PRRG1: variants seen among roughly 807,000 people sequenced by gnomAD.
PRRG1 encodes transmembrane gamma-carboxyglutamic acid protein 1.
Under a neutral mutation model 11.8 loss-of-function variants are expected in PRRG1, and 5 were observed. The observed-to-expected ratio is 0.42, with a 90% CI of 0.22 to 0.89. The LOEUF is 0.89. Ranked by LOEUF, PRRG1 falls within the 40% of genes least tolerant of loss-of-function variation. PRRG1 has a pLI of 0.28. For synonymous variants in PRRG1, 66 were observed against 60.4 expected (o/e 1.09, Z -0.43); for missense variants, 155 against 166.1 (o/e 0.93, Z 0.37).
chrX:37,395,452 A>G (rs1931681311), intron 1 of PRRG1, among the ~76,000 whole-genome samples: 1 of 110,039 alleles, frequency 9.1e-6, no homozygotes, highest in Admixed American at 9.8e-5. Context: ...TGTTTCTACT[A>G]AAAATGCAAA....
chrX:37,441,983 G>A, intron 3 of PRRG1: 1 of 768,688 alleles, frequency 1.3e-6, no homozygotes. Flanking sequence ...GACTACCTGA[G>A]CAACCTGTGC....
At chrX:37,386,188 TTA>T (rs1400417024) in intron 1 of PRRG1, among the ~76,000 whole-genome samples, 1 of 112,496 alleles carries the variant, frequency 8.9e-6, no homozygotes, top group Non-Finnish European at 1.9e-5. Flanking sequence ...ACATATGTGT[TTA>T]TACATATCTA....
Position 37,433,227 on chromosome X carries a change from A to T in PRRG1, c.171+7227A>T, listed in dbSNP as rs923132596. On this transcript the variant is annotated intron_variant, in intron 3 of 3. Coordinates refer to ENST00000378628, the MANE Select transcript of PRRG1 (RefSeq NM_001142395.2). Reference sequence around the variant, plus strand: ...AAGGCCAAAGTGCTCAGAATCACCCACCAGGTACTACACAATCAGTCCTCA... The same window carrying T: ...AAGGCCAAAGTGCTCAGAATCACCCTCCAGGTACTACACAATCAGTCCTCA... 4.5e-5 allele frequency among the ~76,000 whole-genome samples: 5 copies of T among 111,553 alleles called. No individual in the cohort carries two copies. The Admixed American group carries it at 4.8e-4, about 11-fold the overall frequency.
At position 37,453,322 on chromosome X, in the gene PRRG1, A is replaced by G. The variant is rs979014757; in HGVS notation, c.358A>G (p.Ile120Val). ...TRRQTVTEGH[I>V]PFPQHLNIIT... ...TAGACAGACAGTGACTGAAGGCCAC[A>G]TTCCTTTCCCTCAGCACCTTAATAT... Residue 120 changes from isoleucine (I) to valine (V), a missense_variant, in exon 4 of 4, where the codon ATT becomes GTT. Transcript: ENST00000378628. 21 of 1,205,838 alleles carry G rather than the reference A, an allele frequency of 1.7e-5. No individual in the cohort carries two copies. In the South Asian group the frequency reaches 2.5e-4, roughly 14 times the overall value.
chrX:37,434,957 T>C (rs782698172), intron 3 of PRRG1, among the ~76,000 whole-genome samples: 1 of 112,186 alleles, frequency 8.9e-6, no homozygotes, highest in African/African-American at 3.2e-5. Context: ...CTTTCCACAG[T>C]GGTTGTCTTC....
intron 1 of PRRG1, among the ~76,000 whole-genome samples, chrX:37,381,126 T>C (rs1261181927): frequency 1.8e-5 from 2 of 111,691 alleles, no homozygotes; most frequent in African/African-American, 6.5e-5. Flanking sequence ...AGATCTTTTA[T>C]GTTTTGTTTA....
rs189403690 is a variant in PRRG1, at chrX:37,432,378, A to T, written c.171+6378A>T. Among the ~76,000 whole-genome samples the T allele has an allele frequency of 2.7e-5, 3 of 111,819 alleles. No individual in the cohort carries two copies. In the South Asian group the frequency reaches 1.1e-3, roughly 42 times the overall value. ...TGGGATTACAGGCGTGAGCCACTGC[A>T]CCCGGACCGTGAACAATGTTTTTAA... On this transcript the variant is annotated intron_variant, in intron 3 of 3. Transcript: ENST00000378628.
chrX:37,428,576 T>C lies in PRRG1; in HGVS notation c.171+2576T>C, dbSNP rs1556389041. 3.6e-5 allele frequency among the ~76,000 whole-genome samples: 4 copies of C among 112,444 alleles called. No homozygotes were observed. The South Asian group carries it at 1.5e-3, about 42-fold the overall frequency. On this transcript the variant is annotated intron_variant, in intron 3 of 3. Coordinates refer to ENST00000378628, the MANE Select transcript of PRRG1 (RefSeq NM_001142395.2). Reference sequence around the variant, plus strand: ...GTGGGTTCCCATGGTCTTGAGCAACTCTGCCCCTGTGGCTTTGCAGGGTAC... The same window carrying C: ...GTGGGTTCCCATGGTCTTGAGCAACCCTGCCCCTGTGGCTTTGCAGGGTAC...
intron 2 of PRRG1, among the ~76,000 whole-genome samples, chrX:37,414,715 A>G (rs1256946786): frequency 1.8e-5 from 2 of 113,021 alleles, no homozygotes; most frequent in African/African-American, 6.4e-5. Context: ...ACCAGATTCA[A>G]TGACTCTCAA....
At chrX:37,411,226 G>A (rs1008322034) in intron 2 of PRRG1, among the ~76,000 whole-genome samples, 5 of 112,054 alleles carry the variant, frequency 4.5e-5, no homozygotes, top group Non-Finnish European at 9.4e-5. Flanking sequence ...ATGATTTACA[G>A]TATACAGAAG....
At chrX:37,401,844 G>C (rs1290707052) in intron 1 of PRRG1, among the ~76,000 whole-genome samples, 3 of 110,517 alleles carry the variant, frequency 2.7e-5, no homozygotes, top group African/African-American at 9.9e-5. Context: ...ACCAACAACA[G>C]ACAAACAGAG....
intron 1 of PRRG1, among the ~76,000 whole-genome samples, chrX:37,366,793 GCAGGT>G (rs1297212716): frequency 9.0e-6 from 1 of 111,547 alleles, no homozygotes; most frequent in Non-Finnish European, 1.9e-5. Context: ...CCCCAGTTTG[GCAGGT>G]GGACAGAGGC....
At chrX:37,362,931 A>G (rs1556368051) in intron 1 of PRRG1, among the ~76,000 whole-genome samples, 1 of 111,714 alleles carries the variant, frequency 9.0e-6, no homozygotes, top group Non-Finnish European at 1.9e-5. Flanking sequence ...TCTTCTTCAC[A>G]TGAGAGTATA....
At chrX:37,447,516 T>A (rs1316215179) in intron 3 of PRRG1, among the ~76,000 whole-genome samples, 1 of 112,669 alleles carries the variant, frequency 8.9e-6, no homozygotes, top group African/African-American at 3.2e-5. Context: ...TTAGCTCAAT[T>A]ATTGATTCAG....
chrX:37,407,241 T>C (rs1453330550), intron 2 of PRRG1, among the ~76,000 whole-genome samples: 1 of 109,658 alleles, frequency 9.1e-6, no homozygotes. Context: ...AAGGGGGAGG[T>C]CTGGCCTCTG....
At chrX:37,385,772 T>G (rs1264872343) in intron 1 of PRRG1, among the ~76,000 whole-genome samples, 1 of 108,900 alleles carries the variant, frequency 9.2e-6, no homozygotes, top group Non-Finnish European at 1.9e-5. Context: ...TTTTTTTTTT[T>G]GTTTTTCAGA....
intron 2 of PRRG1, among the ~76,000 whole-genome samples, chrX:37,406,721 C>G (rs901310327): frequency 8.1e-5 from 9 of 110,557 alleles, no homozygotes; most frequent in Non-Finnish European, 1.7e-4. Flanking sequence ...TTTTAAAGCC[C>G]GGCATTAAGA....
At chrX:37,406,362 G>C in intron 2 of PRRG1, 103 bp downstream of exon 2, 1 of 850,727 alleles carries the variant, frequency 1.2e-6, no homozygotes, top group Non-Finnish European at 1.7e-6. Flanking sequence ...CACCTAAATT[G>C]TATTTCTTGT....
intron 1 of PRRG1, among the ~76,000 whole-genome samples, chrX:37,405,955 C>T (rs113323042): frequency 1.8e-5 from 2 of 111,359 alleles, no homozygotes; most frequent in South Asian, 3.7e-4. Flanking sequence ...ATTTGGCACA[C>T]GCAGAAACTA....
Sources: allele counts gnomAD v4.1 joint callset (sites outside exome capture counted in the v4.1 genomes callset), GRCh38; gene constraint gnomAD v4.1.1; transcripts MANE v1.5; gene names NCBI Gene and HGNC (gene_info 2026-07-23, HGNC 2026-07-21).